The following ARSB variants were observed in gnomAD, a reference collection of about 807,000 sequenced individuals.
ARSB encodes N-acetylgalactosamine-4-sulfatase.
In ARSB, 41 loss-of-function variants were observed where a neutral mutation model predicts 50.9. That is an observed-to-expected ratio of 0.81 (90% CI 0.63 to 1.04). The LOEUF (loss-of-function observed/expected upper bound fraction) is 1.04, where lower values mean the gene tolerates loss of function less well. ARSB is among the 50% of genes least tolerant of loss of function. The probability of loss-of-function intolerance (pLI) is 0.00; values close to 1 mark genes in which losing one functional copy is unlikely to be tolerated. For synonymous variants in ARSB, 269 were observed against 284.8 expected (o/e 0.94, Z 0.56); for missense variants, 672 against 693.3 (o/e 0.97, Z 0.35).
chr5:78,816,047 T>C (rs755850504), intron 6 of ARSB: 2 of 1,491,862 alleles, frequency 1.3e-6, no homozygotes, highest in African/African-American at 1.5e-5. Flanking sequence ...TCATTTCTTA[T>C]GCCCTGGGTT....
intron 4 of ARSB, among the ~76,000 whole-genome samples, chr5:78,939,244 C>T (rs1750779386): frequency 6.6e-6 from 1 of 151,764 alleles, no homozygotes; most frequent in Admixed American, 6.6e-5. Context: ...GTAAAAAGAG[C>T]TCTCAACATC....
At chr5:78,810,990 A>G (rs976995076) in intron 6 of ARSB, among the ~76,000 whole-genome samples, 1 of 152,258 alleles carries the variant, frequency 6.6e-6, no homozygotes, top group Non-Finnish European at 1.5e-5. Context: ...CAGATCCTAC[A>G]ATGTTAGATT....
chr5:78,799,425 G>T (rs915208828), intron 6 of ARSB, among the ~76,000 whole-genome samples: 2 of 152,202 alleles, frequency 1.3e-5, no homozygotes, highest in African/African-American at 4.8e-5. Context: ...CCACATTCAT[G>T]AAGTGACTCA....
chr5:78,974,999 A>G (rs940906973), intron 1 of ARSB, among the ~76,000 whole-genome samples: 3 of 152,236 alleles, frequency 2.0e-5, no homozygotes, highest in Admixed American at 6.5e-5. Context: ...TCAAGGCTAC[A>G]TGGTCCTCTG....
chr5:78,851,019 T>A (rs568205933), intron 5 of ARSB, among the ~76,000 whole-genome samples: 37 of 152,352 alleles, frequency 2.4e-4, no homozygotes, highest in African/African-American at 7.9e-4. Context: ...AGCTCCTGGA[T>A]TCATTAATTT....
At chr5:78,943,972 C>T (rs1051679693) in intron 4 of ARSB, among the ~76,000 whole-genome samples, 6 of 152,102 alleles carry the variant, frequency 3.9e-5, no homozygotes, top group Admixed American at 2.6e-4. Flanking sequence ...AGGCTTTGTT[C>T]GTTTCTTTTT....
At chr5:78,975,510 T>C (rs1265550520) in intron 1 of ARSB, among the ~76,000 whole-genome samples, 1 of 152,216 alleles carries the variant, frequency 6.6e-6, no homozygotes, top group Non-Finnish European at 1.5e-5. Flanking sequence ...CTTGGAGTCA[T>C]CTTTCATTGC....
chr5:78,881,306 A>C (rs2112193565), intron 5 of ARSB, among the ~76,000 whole-genome samples: 1 of 152,272 alleles, frequency 6.6e-6, no homozygotes, highest in African/African-American at 2.4e-5. Flanking sequence ...ATAGATATTT[A>C]GCACATTTGA....
At chr5:78,808,370 G>C (rs1743662334) in intron 6 of ARSB, among the ~76,000 whole-genome samples, 1 of 152,036 alleles carries the variant, frequency 6.6e-6, no homozygotes, top group African/African-American at 2.4e-5. Context: ...TATATTAGTA[G>C]GAATTTAATG....
At chr5:78,955,150 A>G in intron 4 of ARSB, 145 bp downstream of exon 4, 1 of 787,006 alleles carries the variant, frequency 1.3e-6, no homozygotes, top group Non-Finnish European at 2.1e-6. Flanking sequence ...ATATCTTTCC[A>G]TCCACAATTA....
intron 6 of ARSB, among the ~76,000 whole-genome samples, chr5:78,811,656 C>T (rs34902218): frequency 0.07 from 10,638 of 152,262 alleles, 542 homozygotes; most frequent in African/African-American, 0.14. Flanking sequence ...AGCAGATTGC[C>T]TACATCCACT....
At chr5:78,827,368 C>T (rs955438640) in intron 6 of ARSB, among the ~76,000 whole-genome samples, 6 of 152,074 alleles carry the variant, frequency 3.9e-5, no homozygotes, top group African/African-American at 1.4e-4. Flanking sequence ...GCCACCATGC[C>T]CGGCTACTTT....
chr5:78,852,383 C>T (rs981512203), intron 5 of ARSB, among the ~76,000 whole-genome samples: 5 of 152,150 alleles, frequency 3.3e-5, no homozygotes, highest in African/African-American at 1.2e-4. Flanking sequence ...TGAATATTGG[C>T]CCCCACTCTC....
intron 3 of ARSB, among the ~76,000 whole-genome samples, chr5:78,959,648 G>C (rs934676239): frequency 6.6e-6 from 1 of 152,088 alleles, no homozygotes; most frequent in African/African-American, 2.4e-5. Context: ...CAAGAGGTCA[G>C]GACTGATGCA....
chr5:78,861,976 C>T (rs1746460118), intron 5 of ARSB, among the ~76,000 whole-genome samples: 1 of 152,090 alleles, frequency 6.6e-6, no homozygotes, highest in African/African-American at 2.4e-5. Flanking sequence ...AAATAACAGA[C>T]AAACAGAGAA....
At chr5:78,901,108 G>A (rs1046887317) in intron 4 of ARSB, among the ~76,000 whole-genome samples, 4 of 146,838 alleles carry the variant, frequency 2.7e-5, no homozygotes, top group East Asian at 2.0e-4. Flanking sequence ...CATATTACCC[G>A]ACCTCCTCTT....
chr5:78,954,417 G>T (rs757182477), intron 4 of ARSB, among the ~76,000 whole-genome samples: 2 of 152,122 alleles, frequency 1.3e-5, no homozygotes, highest in South Asian at 4.1e-4. Context: ...TAATGAAAAT[G>T]ATTTTCAAAA....
At chr5:78,984,746 T>A (rs1357139901) in intron 1 of ARSB, among the ~76,000 whole-genome samples, 191 bp downstream of exon 1, 1 of 151,812 alleles carries the variant, frequency 6.6e-6, no homozygotes, top group Non-Finnish European at 1.5e-5. Flanking sequence ...GAGCCGGGCA[T>A]GCGCAGAGGC....
chr5:78,945,121 T>C (rs143580784), intron 4 of ARSB, among the ~76,000 whole-genome samples: 2 of 152,132 alleles, frequency 1.3e-5, no homozygotes, highest in Admixed American at 6.5e-5. Context: ...GCTAAGACCA[T>C]TGGAAAAGCG....
Sources: allele counts gnomAD v4.1 joint callset (sites outside exome capture counted in the v4.1 genomes callset), GRCh38; gene constraint gnomAD v4.1.1; transcripts MANE v1.5; gene names NCBI Gene and HGNC (gene_info 2026-07-23, HGNC 2026-07-21).